Variants in LPIN2 observed in about 807,000 individuals in gnomAD.
LPIN2 encodes the protein phosphatidate phosphatase LPIN2.
Under a neutral mutation model 111.4 loss-of-function variants are expected in LPIN2, and 55 were observed. The observed-to-expected ratio is 0.49, with a 90% CI of 0.40 to 0.62. The LOEUF is 0.62. Among genes scored for constraint, LPIN2 ranks in the 20% least tolerant of loss-of-function variants. LPIN2 has a pLI of 0.00. For synonymous variants in LPIN2, 425 were observed against 414.0 expected, an observed-to-expected ratio of 1.03 and a Z score of -0.32; for missense variants, 992 against 1,112.1, an observed-to-expected ratio of 0.89 and a Z score of 1.54.
At chr18:2,921,934 G>A in intron 17 of LPIN2, 113 bp downstream of exon 17, 1 of 1,374,782 alleles carries the variant, frequency 7.3e-7, no homozygotes, top group East Asian at 2.5e-5. Flanking sequence ...AGAACTGGGA[G>A]AGGCGTGGCG....
In LPIN2 at chr18:2,927,800, C is replaced by G; in HGVS notation, c.1632G>C (p.Glu544Asp). The change falls in exon 12 of 20, where the codon GAG (glutamate) becomes GAC (aspartate). Residue 544 changes from glutamate to aspartate, a missense_variant. Coordinates refer to ENST00000677752, the MANE Select transcript of LPIN2 (RefSeq NM_001375808.2). ...FQKSLPKATVESWVKDKMPKK... is the reference protein window; with the variant it reads ...FQKSLPKATVDSWVKDKMPKK... ...TTGGCATCTTGTCTTTCACCCAGGA[C>G]TCAACTGTGGCCTGAAAACAACCAA... 6.2e-7 allele frequency: 1 copy of G among 1,614,190 alleles called. No homozygotes were observed. The highest frequency in any genetic ancestry group is 1.1e-5 in the South Asian group (1 of 91,086).
Position 2,921,649 on chromosome 18 carries a change from T to G in LPIN2, c.2328-2A>C. Reference sequence around the variant, plus strand: ...TCTGGTTTCTTTTCTATCACTTCTCTAAGAAAAAAATACAAATACAATCAC... The same window carrying G: ...TCTGGTTTCTTTTCTATCACTTCTCGAAGAAAAAAATACAAATACAATCAC... On this transcript the variant is annotated splice_acceptor_variant, in intron 17 of 19. Transcript: ENST00000677752. LOFTEE classifies it high-confidence loss of function. 3.8e-6 allele frequency: 6 copies of G among 1,578,124 alleles called. No homozygotes were observed. Among genetic ancestry groups the G allele is most frequent in the Non-Finnish European group, 5.2e-6 (6 of 1,147,276 alleles).
Position 2,926,781 on chromosome 18 carries a change from A to G in LPIN2, c.1735T>C (p.Ser579Pro), listed in dbSNP as rs150022314. ...KQLPESKEGK[S>P]EAPPASDLPS... ...AGGTCACTGGCTGGCGGTGCCTCAG[A>G]TTTTCCCTCCTTGGATTCTGGCAGC... is the stretch of plus-strand genomic sequence containing the variant. The change falls in exon 13 of 20, where the codon TCT (serine) becomes CCT (proline). Residue 579 changes from serine (S) to proline (P), a missense_variant. By Grantham distance (74) the Ser-to-Pro change is moderately conservative. Coordinates refer to ENST00000677752, the MANE Select transcript of LPIN2 (RefSeq NM_001375808.2). 4,782 of 1,613,748 alleles carry G rather than the reference A, an allele frequency of 3.0e-3. 14 individuals are homozygous for G. The highest frequency in any genetic ancestry group is 3.7e-3 in the Non-Finnish European group (4,323 of 1,179,986).
At chr18:2,944,214 G>A (rs926740357) in intron 4 of LPIN2, among the ~76,000 whole-genome samples, 2 of 147,904 alleles carry the variant, frequency 1.4e-5, no homozygotes, top group African/African-American at 5.0e-5. Flanking sequence ...CTAGAATTGT[G>A]AAGCTCTTCA....
At chr18:3,004,702 T>C (rs1185620043) in intron 1 of LPIN2, among the ~76,000 whole-genome samples, 2 of 152,112 alleles carry the variant, frequency 1.3e-5, no homozygotes, top group African/African-American at 4.8e-5. Flanking sequence ...CATTTCCTCC[T>C]CCCCAACACC....
intron 4 of LPIN2, chr18:2,945,811 C>G (rs531587582): frequency 2.8e-6 from 4 of 1,427,114 alleles, no homozygotes; most frequent in East Asian, 4.5e-5. Context: ...TTAGCCTATA[C>G]TGAAATGGTA....
intron 14 of LPIN2, among the ~76,000 whole-genome samples, chr18:2,924,977 G>A (rs945794221): frequency 2.6e-5 from 4 of 152,176 alleles, no homozygotes; most frequent in Admixed American, 6.5e-5. Context: ...AGCTGTGTAC[G>A]ACTGACTCTC....
chr18:3,012,632 GC>G (rs2078625744), intron 1 of LPIN2, among the ~76,000 whole-genome samples: 1 of 152,168 alleles, frequency 6.6e-6, no homozygotes, highest in South Asian at 2.1e-4. Flanking sequence ...CGTGCCCGGC[GC>G]CCCCTCCCGC....
intron 2 of LPIN2, among the ~76,000 whole-genome samples, chr18:2,956,311 G>GGGGTGTGTGTGTGTGTGTGTGTGTGTGT (rs537302837): frequency 5.6e-5 from 8 of 143,958 alleles, no homozygotes; most frequent in Non-Finnish European, 9.0e-5. Context: ...TAGATGCAGG[G>GGGGTGTGTGTGTGTGTGTGTGTGTGTGT]GTGTGTGTGT....
At chr18:2,954,672 A>G (rs935262028) in intron 2 of LPIN2, 73 bp from the exon 3 acceptor site, 8 of 1,038,614 alleles carry the variant, frequency 7.7e-6, no homozygotes, top group Non-Finnish European at 1.2e-5. Context: ...CAGAACTCTG[A>G]GTTCTCAAGT....
chr18:2,962,525 AACAT>A (rs1403991987), intron 1 of LPIN2, among the ~76,000 whole-genome samples: 1 of 152,224 alleles, frequency 6.6e-6, no homozygotes, highest in Non-Finnish European at 1.5e-5. Context: ...AAAAATAAGA[AACAT>A]AAAAAAAAAG....
intron 1 of LPIN2, among the ~76,000 whole-genome samples, chr18:2,990,265 A>C (rs1383035065): frequency 6.6e-6 from 1 of 152,258 alleles, no homozygotes; most frequent in African/African-American, 2.4e-5. Context: ...TGATTCTCAG[A>C]TATAACACCA....
chr18:2,923,893 C>A, intron 15 of LPIN2, 32 bp from the exon 16 acceptor site: 1 of 1,577,084 alleles, frequency 6.3e-7, no homozygotes, highest in South Asian at 1.1e-5. Context: ...GAAAAGCTAT[C>A]AGGAATCAAA....
chr18:3,001,730 G>A (rs573119519), intron 1 of LPIN2, among the ~76,000 whole-genome samples: 4 of 152,218 alleles, frequency 2.6e-5, no homozygotes, highest in African/African-American at 9.6e-5. Flanking sequence ...GTGAGAAAGA[G>A]AACTGGGGTT....
At chr18:2,985,937 A>C (rs2078180133) in intron 1 of LPIN2, among the ~76,000 whole-genome samples, 1 of 152,236 alleles carries the variant, frequency 6.6e-6, no homozygotes, top group Admixed American at 6.5e-5. Flanking sequence ...AATTACAAAG[A>C]ATTTCATAAT....
At chr18:3,012,746 G>GGGC (rs1485920712) in intron 1 of LPIN2, among the ~76,000 whole-genome samples, 1 of 152,112 alleles carries the variant, frequency 6.6e-6, no homozygotes, top group Non-Finnish European at 1.5e-5. Flanking sequence ...ACCATCCCCA[G>GGGC]GGCGGCGGCG....
intron 1 of LPIN2, among the ~76,000 whole-genome samples, chr18:3,009,492 G>T (rs2078567188): frequency 6.6e-6 from 1 of 151,920 alleles, no homozygotes; most frequent in Non-Finnish European, 1.5e-5. Context: ...AGGCTGGAGT[G>T]CAGTGACACA....
At chr18:2,947,601 A>T (rs982036528) in intron 4 of LPIN2, among the ~76,000 whole-genome samples, 1 of 152,180 alleles carries the variant, frequency 6.6e-6, no homozygotes, top group African/African-American at 2.4e-5. Context: ...ATTAACCTTA[A>T]TTCTATTATC....
chr18:2,967,200 A>C (rs896699388), intron 1 of LPIN2, among the ~76,000 whole-genome samples: 5 of 152,200 alleles, frequency 3.3e-5, no homozygotes, highest in Admixed American at 3.3e-4. Flanking sequence ...ACTAGAACCC[A>C]GTTCTACCTA....
Sources: gnomAD v4.1 joint callset for allele counts (sites outside exome capture counted in the v4.1 genomes callset) on GRCh38, gnomAD v4.1.1 for gene constraint, MANE v1.5 for transcripts, NCBI Gene and HGNC (gene_info 2026-07-23, HGNC 2026-07-21) for gene names.